PDZD2: variants seen among roughly 807,000 people sequenced by gnomAD.
PDZD2 encodes PDZ domain-containing protein 2.
In PDZD2, 90 loss-of-function variants were observed where a neutral mutation model predicts 220.7. The ratio of observed to expected loss-of-function variants is 0.41; its 90% CI spans 0.34 to 0.49. The LOEUF (loss-of-function observed/expected upper bound fraction) is 0.49, where lower values mean the gene tolerates loss of function less well. Among genes scored for constraint, PDZD2 ranks in the 20% least tolerant of loss-of-function variants. The pLI is 0.28. For missense variants in PDZD2, 3,174 were observed against 3,608.5 expected (o/e 0.88, Z 3.08); for synonymous variants, 1,375 against 1,450.5 (o/e 0.95, Z 1.18).
chr5:31,884,278 C>T (rs1161790952), intron 2 of PDZD2, among the ~76,000 whole-genome samples: 4 of 138,506 alleles, frequency 2.9e-5, no homozygotes, highest in Non-Finnish European at 6.1e-5. Flanking sequence ...GTTGGGTTCA[C>T]AGACACGTAA....
intron 5 of PDZD2, among the ~76,000 whole-genome samples, chr5:32,007,108 C>T (rs1752890064): frequency 6.6e-6 from 1 of 151,444 alleles, no homozygotes; most frequent in Admixed American, 6.6e-5. Flanking sequence ...TTAGTAGAGA[C>T]GGGGTTTCAC....
rs750266997 is a variant in PDZD2, at chr5:31,878,555, C to CCTT, written c.476+78831_476+78832insCTT. On this transcript the variant is annotated intron_variant, in intron 2 of 24. Coordinates refer to ENST00000438447, the MANE Select transcript of PDZD2 (RefSeq NM_178140.4). ...TTCTTTGGTGGTCAGATGACCTCGG[C>CCTT]TTTTTTTTTTTTTTTTTTTTTTTTG... Among the ~76,000 whole-genome samples, 24 of 48,202 alleles carry CCTT rather than the reference C, an allele frequency of 5.0e-4. 2 individuals carry two copies. The highest frequency in any genetic ancestry group is 1.5e-3 in the African/African-American group (22 of 14,376). 31.6% of individuals were successfully genotyped at this position (48,202 alleles called of 152,430 possible). A position where few individuals can be genotyped will look rare whatever the true frequency, so the allele number is the denominator to read the frequency against.
chr5:31,995,140 TC>T (rs1037971018), intron 3 of PDZD2, among the ~76,000 whole-genome samples: 3 of 152,156 alleles, frequency 2.0e-5, no homozygotes, highest in Non-Finnish European at 2.9e-5. Flanking sequence ...CACAGTGGCA[TC>T]CGGGTTTCAG....
At chr5:31,652,391 A>G (rs1429447843) in intron 1 of PDZD2, among the ~76,000 whole-genome samples, 2 of 152,202 alleles carry the variant, frequency 1.3e-5, no homozygotes, top group Non-Finnish European at 2.9e-5. Context: ...TCCTGCAGAT[A>G]GGAGATGGGT....
At chr5:31,995,958 G>C (rs566617684) in intron 4 of PDZD2, among the ~76,000 whole-genome samples, 1 of 152,314 alleles carries the variant, frequency 6.6e-6, no homozygotes, top group Non-Finnish European at 1.5e-5. Flanking sequence ...GGAGAGAGTG[G>C]ATCTCTTTAT....
chr5:31,785,782 G>C (rs2150214293), intron 1 of PDZD2, among the ~76,000 whole-genome samples: 1 of 152,168 alleles, frequency 6.6e-6, no homozygotes, highest in East Asian at 1.9e-4. Context: ...TACCACAGCA[G>C]GATCTAGAGT....
At chr5:31,656,547 G>A (rs1042842951) in intron 1 of PDZD2, among the ~76,000 whole-genome samples, 5 of 152,140 alleles carry the variant, frequency 3.3e-5, no homozygotes, top group African/African-American at 4.8e-5. Flanking sequence ...TATTGACAGC[G>A]TCTAAGCACC....
At position 32,081,715 on chromosome 5, in the gene PDZD2, T is replaced by A. The variant is rs190394687; in HGVS notation, c.3682+4109T>A. ...TAAGAAGGATGTTCTTCAAAACATG[T>A]CTTTGTTTTGTTTTGTTTTGTTTTG... On this transcript the variant is annotated intron_variant, in intron 19 of 24. Coordinates refer to ENST00000438447, the MANE Select transcript of PDZD2 (RefSeq NM_178140.4). Among the ~76,000 whole-genome samples, 31 of 152,204 alleles carry A rather than the reference T, an allele frequency of 2.0e-4. No individual in the cohort carries two copies. The East Asian group carries it at 5.4e-3, about 27-fold the overall frequency.
chr5:31,745,963 A>G (rs563309375), intron 1 of PDZD2, among the ~76,000 whole-genome samples: 1 of 152,138 alleles, frequency 6.6e-6, no homozygotes, highest in South Asian at 2.1e-4. Context: ...TGATCCATAG[A>G]GCCAAGTGGA....
chr5:31,659,114 C>T (rs1248367869), intron 1 of PDZD2, among the ~76,000 whole-genome samples: 4 of 152,148 alleles, frequency 2.6e-5, no homozygotes, highest in African/African-American at 9.7e-5. Context: ...TTCTCTGACA[C>T]CACTTCTCAG....
At chr5:32,056,057 T>A (rs1182689531) in intron 10 of PDZD2, among the ~76,000 whole-genome samples, 2 of 152,254 alleles carry the variant, frequency 1.3e-5, no homozygotes, top group Non-Finnish European at 2.9e-5. Context: ...GGAATGGATT[T>A]CAACCTGTTG....
At chr5:31,734,486 A>G (rs1010251057) in intron 1 of PDZD2, among the ~76,000 whole-genome samples, 2 of 151,948 alleles carry the variant, frequency 1.3e-5, no homozygotes, top group African/African-American at 4.8e-5. Context: ...CACCCAGCTA[A>G]TTTTGTATTT....
At chr5:31,873,190 T>C (rs1738986731) in intron 2 of PDZD2, among the ~76,000 whole-genome samples, 1 of 152,036 alleles carries the variant, frequency 6.6e-6, no homozygotes, top group African/African-American at 2.4e-5. Flanking sequence ...TCCTAGCACT[T>C]TGGGAGACTG....
intron 2 of PDZD2, among the ~76,000 whole-genome samples, chr5:31,869,495 C>T (rs1019816013): frequency 4.6e-5 from 7 of 151,816 alleles, no homozygotes; most frequent in South Asian, 2.1e-4. Flanking sequence ...ACCTGGGAGG[C>T]GGAGGTTGCA....
intron 1 of PDZD2, chr5:31,741,848 A>C (rs1164813297): frequency 1.3e-5 from 2 of 152,092 alleles, no homozygotes; most frequent in Admixed American, 6.5e-5. Flanking sequence ...CTTCAAACAC[A>C]TATTCATAAG....
At position 32,074,310 on chromosome 5, in the gene PDZD2, G is replaced by A. The variant is rs780883668; in HGVS notation, c.3204G>A (p.Gly1068=). ...CGGACTCTGCAGAGGCCCCCAAGGG[G>A]AGCCCTGGAAGCTGGTGGAAGAAGG... The part of the protein sequence containing the change: ...NLTDSAEAPK[G]SPGSWWKKEL... Residue 1068 remains glycine, a synonymous_variant, in exon 18 of 25, where the codon GGG becomes GGA. Coordinates refer to ENST00000438447, the MANE Select transcript of PDZD2 (RefSeq NM_178140.4). The A allele has an allele frequency of 1.9e-6, 3 of 1,614,114 alleles. No homozygotes were observed. Among genetic ancestry groups the A allele is most frequent in the Non-Finnish European group, 2.5e-6 (3 of 1,180,046 alleles).
At chr5:31,674,777 C>A (rs114934368) in intron 1 of PDZD2, among the ~76,000 whole-genome samples, 1 of 152,130 alleles carries the variant, frequency 6.6e-6, no homozygotes, top group Non-Finnish European at 1.5e-5. Context: ...CTCTTTGTGG[C>A]GGGTATGGTA....
intron 1 of PDZD2, among the ~76,000 whole-genome samples, chr5:31,642,940 G>C (rs887488100): frequency 6.6e-6 from 1 of 152,156 alleles, no homozygotes; most frequent in Non-Finnish European, 1.5e-5. Context: ...GGAAAGGAAG[G>C]ACTCCTGAGT....
chr5:31,968,374 C>G (rs1367905898), intron 2 of PDZD2, among the ~76,000 whole-genome samples: 1 of 151,970 alleles, frequency 6.6e-6, no homozygotes, highest in Non-Finnish European at 1.5e-5. Context: ...AAAAAACAAG[C>G]TGGGCACGGT....
Sources: gnomAD v4.1 joint callset for allele counts (sites outside exome capture counted in the v4.1 genomes callset) on GRCh38, gnomAD v4.1.1 for gene constraint, MANE v1.5 for transcripts, NCBI Gene and HGNC (gene_info 2026-07-23, HGNC 2026-07-21) for gene names.